SSBP2: variants seen among roughly 807,000 people sequenced by gnomAD.
SSBP2 encodes the protein single stranded DNA binding protein 2, also known as single-stranded DNA-binding protein 2.
SSBP2 carries 17 observed loss-of-function variants against 61.8 expected under a neutral mutation model. The ratio of observed to expected loss-of-function variants is 0.28; its 90% CI spans 0.19 to 0.41. The LOEUF (loss-of-function observed/expected upper bound fraction) is 0.41, where lower values mean the gene tolerates loss of function less well. Ranked by LOEUF, SSBP2 falls within the 10% of genes least tolerant of loss-of-function variation. The pLI, the probability that SSBP2 is intolerant of heterozygous loss-of-function variation, is 1.00. For synonymous variants in SSBP2, 139 were observed against 141.3 expected (o/e 0.98, Z 0.12); for missense variants, 310 against 458.7 (o/e 0.68, Z 2.96).
rs1315604038 is a variant in SSBP2 at position 81,568,828 on chromosome 5, G to C, written c.282+46645C>G. On this transcript the variant is annotated intron_variant, in intron 4 of 16. Transcript: ENST00000320672. ...ATTTGTCTTGTGTAAATGATCATGA[G>C]ATCTAGCTTGTAGGAAAGTCTGTTA... is the stretch of plus-strand genomic sequence containing the variant. Among the ~76,000 whole-genome samples the C allele has an allele frequency of 2.0e-5, 3 of 152,170 alleles. No individual in the cohort carries two copies. The East Asian group carries it at 5.8e-4, about 29-fold the overall frequency.
At chr5:81,512,473 G>A (rs1315967299) in intron 5 of SSBP2, among the ~76,000 whole-genome samples, 1 of 152,110 alleles carries the variant, frequency 6.6e-6, no homozygotes, top group African/African-American at 2.4e-5. Context: ...AAATGCTGGT[G>A]GTTTAATTAA....
intron 4 of SSBP2, among the ~76,000 whole-genome samples, chr5:81,566,641 T>C (rs531327886): frequency 6.6e-6 from 1 of 152,262 alleles, no homozygotes; most frequent in East Asian, 1.9e-4. Context: ...GCTGAAAAGA[T>C]ATCTAAAATG....
At chr5:81,665,462 A>C (rs1751033867) in intron 1 of SSBP2, among the ~76,000 whole-genome samples, 2 of 151,934 alleles carry the variant, frequency 1.3e-5, no homozygotes, top group South Asian at 4.1e-4. Flanking sequence ...AGACAACGTA[A>C]AATAGATTAG....
At position 81,628,696 on chromosome 5, in the gene SSBP2, TG is replaced by T. The variant is rs1747415864; in HGVS notation, c.197+7860del. Among the ~76,000 whole-genome samples, 3 of 152,048 alleles carry T rather than the reference TG, an allele frequency of 2.0e-5. No homozygotes were observed. The South Asian group carries it at 6.2e-4, about 32-fold the overall frequency. On this transcript the variant is annotated intron_variant, in intron 3 of 16. Transcript: ENST00000320672. Reference sequence around the variant, plus strand: ...GTATTATAAACTGGGATGCTGAGTATGGGGTAAATAAACTAAAAAGGAAAAG... The same window carrying T: ...GTATTATAAACTGGGATGCTGAGTATGGGTAAATAAACTAAAAAGGAAAAG...
At chr5:81,669,596 G>A (rs1751432119) in intron 1 of SSBP2, among the ~76,000 whole-genome samples, 1 of 152,070 alleles carries the variant, frequency 6.6e-6, no homozygotes, top group South Asian at 2.1e-4. Flanking sequence ...ACTGGGAGCT[G>A]AACATTGAGA....
chr5:81,522,337 T>TAAAAGAC (rs1769555270), intron 4 of SSBP2, among the ~76,000 whole-genome samples: 1 of 152,030 alleles, frequency 6.6e-6, no homozygotes, highest in South Asian at 2.1e-4. Flanking sequence ...AGGTAACGTA[T>TAAAAGAC]AAAAGACTGT....
At chr5:81,444,614 CTCAA>C (rs1391395773) in intron 12 of SSBP2, among the ~76,000 whole-genome samples, 2 of 152,160 alleles carry the variant, frequency 1.3e-5, no homozygotes, top group African/African-American at 2.4e-5. Flanking sequence ...TTGGAATAAA[CTCAA>C]TCACACACAA....
intron 10 of SSBP2, among the ~76,000 whole-genome samples, chr5:81,458,720 T>C (rs1207347159): frequency 1.3e-5 from 2 of 152,196 alleles, no homozygotes; most frequent in Non-Finnish European, 2.9e-5. Flanking sequence ...GAATTCAACA[T>C]AATTTGGATA....
At chr5:81,650,228 T>A (rs1749611065) in intron 2 of SSBP2, 39 bp downstream of exon 2, 1 of 1,368,408 alleles carries the variant, frequency 7.3e-7, no homozygotes, top group Admixed American at 2.2e-5. Flanking sequence ...TTCATTTATA[T>A]AAGATCAAAA....
intron 1 of SSBP2, among the ~76,000 whole-genome samples, chr5:81,651,886 G>A (rs1183862192): frequency 6.6e-6 from 1 of 152,078 alleles, no homozygotes; most frequent in Non-Finnish European, 1.5e-5. Flanking sequence ...TTGTATCTTG[G>A]AAAAGGATAA....
At chr5:81,471,964 A>T (rs1765277037) in intron 8 of SSBP2, among the ~76,000 whole-genome samples, 1 of 152,128 alleles carries the variant, frequency 6.6e-6, no homozygotes, top group African/African-American at 2.4e-5. Flanking sequence ...TACAACATAT[A>T]TTATTGTATG....
intron 5 of SSBP2, among the ~76,000 whole-genome samples, chr5:81,500,130 G>T (rs1767589274): frequency 6.6e-6 from 1 of 152,114 alleles, no homozygotes; most frequent in Non-Finnish European, 1.5e-5. Flanking sequence ...GTTACTTATA[G>T]ACATGAAGTT....
At chr5:81,459,045 T>A (rs915222309) in intron 10 of SSBP2, among the ~76,000 whole-genome samples, 1 of 152,172 alleles carries the variant, frequency 6.6e-6, no homozygotes, top group Non-Finnish European at 1.5e-5. Context: ...TTCAACTCCA[T>A]TACTTGCCTA....
intron 1 of SSBP2, among the ~76,000 whole-genome samples, chr5:81,665,990 CTG>C (rs1299791061): frequency 6.6e-6 from 1 of 152,158 alleles, no homozygotes; most frequent in Non-Finnish European, 1.5e-5. Context: ...GCTCATAAGA[CTG>C]TGAGTAGTTA....
At chr5:81,702,132 G>A (rs1333651586) in intron 1 of SSBP2, among the ~76,000 whole-genome samples, 1 of 152,108 alleles carries the variant, frequency 6.6e-6, no homozygotes, top group African/African-American at 2.4e-5. Flanking sequence ...CAGCACTTTG[G>A]GAGGCCGAGG....
Position 81,591,661 on chromosome 5 carries a change from T to A in SSBP2, c.282+23812A>T, listed in dbSNP as rs187280105. 2.1e-3 allele frequency among the ~76,000 whole-genome samples: 313 copies of A among 151,626 alleles called. 2 individuals carry two copies. The highest frequency in any genetic ancestry group is 7.4e-3 in the African/African-American group (304 of 41,322). On this transcript the variant is annotated intron_variant, in intron 4 of 16. Coordinates refer to ENST00000320672, the MANE Select transcript of SSBP2 (RefSeq NM_012446.5). ...AAGATGAAGACTGTCTTTGACAAACTCATTAGTAAACTCAACACAGTGAGG... is the reference window on the plus strand; with the variant it reads ...AAGATGAAGACTGTCTTTGACAAACACATTAGTAAACTCAACACAGTGAGG...
intron 1 of SSBP2, among the ~76,000 whole-genome samples, chr5:81,740,537 C>T (rs1010543615): frequency 1.8e-4 from 28 of 152,266 alleles, no homozygotes; most frequent in African/African-American, 6.7e-4. Context: ...TACTACTGCT[C>T]CTGTATCACA....
chr5:81,683,443 T>C (rs72773078), intron 1 of SSBP2, among the ~76,000 whole-genome samples: 1,683 of 152,228 alleles, frequency 0.011, 32 homozygotes, highest in Middle Eastern at 0.034. Flanking sequence ...ACAAAATAAA[T>C]CTAGACACAT....
chr5:81,609,058 G>C (rs909115264), intron 4 of SSBP2, among the ~76,000 whole-genome samples: 1 of 152,198 alleles, frequency 6.6e-6, no homozygotes, highest in Non-Finnish European at 1.5e-5. Flanking sequence ...GGTTAAAAGA[G>C]AAGGAGGCCA....
Sources: gnomAD v4.1 joint callset for allele counts (sites outside exome capture counted in the v4.1 genomes callset) on GRCh38, gnomAD v4.1.1 for gene constraint, MANE v1.5 for transcripts, NCBI Gene and HGNC (gene_info 2026-07-23, HGNC 2026-07-21) for gene names.